RTN4IP1: variants seen among roughly 807,000 people sequenced by gnomAD.
The protein encoded by RTN4IP1 is reticulon 4 interacting protein 1.
A neutral mutation model predicts 46.6 loss-of-function variants in RTN4IP1; 32 were observed. That is an observed-to-expected ratio of 0.69 (90% CI 0.52 to 0.92). The LOEUF is 0.92. Ranked by LOEUF, RTN4IP1 falls within the 40% of genes least tolerant of loss-of-function variation. The pLI, the probability that RTN4IP1 is intolerant of heterozygous loss-of-function variation, is 0.00. For missense variants in RTN4IP1, 424 were observed against 485.8 expected (o/e 0.87, Z 1.20); for synonymous variants, 167 against 161.8 (o/e 1.03, Z -0.24).
At chr6:106,624,798 T>C (rs1776593067) in intron 1 of RTN4IP1, among the ~76,000 whole-genome samples, 1 of 151,080 alleles carries the variant, frequency 6.6e-6, no homozygotes, top group Admixed American at 6.6e-5. Context: ...TAGCCAGGCA[T>C]AGTGGTACAT....
chr6:106,585,254 G>A (rs1775457047), intron 7 of RTN4IP1, among the ~76,000 whole-genome samples: 1 of 152,220 alleles, frequency 6.6e-6, no homozygotes, highest in Non-Finnish European at 1.5e-5. Context: ...TGGGAGGATT[G>A]CTTGAGGCTA....
chr6:106,596,252 G>A (rs1338857655), intron 5 of RTN4IP1, among the ~76,000 whole-genome samples: 3 of 152,126 alleles, frequency 2.0e-5, no homozygotes, highest in Admixed American at 2.0e-4. Context: ...TTCAAGTGAT[G>A]GCTTTACATA....
intron 7 of RTN4IP1, among the ~76,000 whole-genome samples, chr6:106,586,185 T>C (rs541861276): frequency 3.9e-5 from 6 of 152,228 alleles, no homozygotes; most frequent in South Asian, 2.1e-4. Flanking sequence ...CTAAGTTTCA[T>C]CCCCATAAAA....
chr6:106,626,865 G>A (rs1398491165), intron 1 of RTN4IP1, among the ~76,000 whole-genome samples: 3 of 152,162 alleles, frequency 2.0e-5, no homozygotes, highest in African/African-American at 7.2e-5. Flanking sequence ...AAACTTTGTT[G>A]GTATGATGCT....
At chr6:106,608,631 T>C (rs1325089582) in intron 4 of RTN4IP1, among the ~76,000 whole-genome samples, 2 of 152,148 alleles carry the variant, frequency 1.3e-5, no homozygotes, top group African/African-American at 2.4e-5. Flanking sequence ...TCAACTAACA[T>C]TAAAAGGAAA....
At chr6:106,621,746 A>G (rs1456025570) in intron 2 of RTN4IP1, among the ~76,000 whole-genome samples, 17 of 152,160 alleles carry the variant, frequency 1.1e-4, no homozygotes, top group Admixed American at 3.9e-4. Flanking sequence ...GAGTCCCAAT[A>G]AGACCACAAT....
At chr6:106,615,341 A>G (rs1394962660) in intron 4 of RTN4IP1, among the ~76,000 whole-genome samples, 1 of 152,160 alleles carries the variant, frequency 6.6e-6, no homozygotes, top group Non-Finnish European at 1.5e-5. Flanking sequence ...ATAATTCTAT[A>G]TCAGAATTAA....
chr6:106,577,679 G>A (rs1391682438), intron 8 of RTN4IP1, among the ~76,000 whole-genome samples: 2 of 152,122 alleles, frequency 1.3e-5, no homozygotes, highest in Non-Finnish European at 2.9e-5. Context: ...GTGTGATTAA[G>A]TTAAGGATCC....
intron 7 of RTN4IP1, 112 bp from the exon 8 acceptor site, chr6:106,583,532 T>C: frequency 1.3e-6 from 1 of 797,510 alleles, no homozygotes; most frequent in Non-Finnish European, 2.1e-6. Flanking sequence ...ATTTCTCATT[T>C]CATGCTGACA....
upstream of RTN4IP1, chr6:106,629,824 C>A: frequency 8.1e-7 from 1 of 1,234,222 alleles, no homozygotes; most frequent in Non-Finnish European, 1.2e-6. Context: ...TCCTCTAGAA[C>A]TGAGTGGGGG....
chr6:106,621,974 C>T (rs952801991), intron 2 of RTN4IP1, among the ~76,000 whole-genome samples: 26 of 152,206 alleles, frequency 1.7e-4, no homozygotes, highest in African/African-American at 6.0e-4. Flanking sequence ...TTATACCAAA[C>T]TTAAGCTATT....
At chr6:106,623,014 A>G (rs1437042596) in intron 1 of RTN4IP1, 45 bp from the exon 2 acceptor site, 1 of 1,594,080 alleles carries the variant, frequency 6.3e-7, no homozygotes, top group African/African-American at 1.3e-5. Flanking sequence ...TAAGTATGAA[A>G]TGCTTTTAAA....
intron 8 of RTN4IP1, among the ~76,000 whole-genome samples, chr6:106,575,501 G>A (rs1437570931): frequency 6.6e-6 from 1 of 151,086 alleles, no homozygotes; most frequent in Non-Finnish European, 1.5e-5. Flanking sequence ...CGCTAGGCAA[G>A]TCCTCCTTCC....
chr6:106,575,512 T>C (rs6907164), intron 8 of RTN4IP1, among the ~76,000 whole-genome samples: 21,529 of 152,204 alleles, frequency 0.14, 1,749 homozygotes, highest in African/African-American at 0.21. Context: ...TCCTCCTTCC[T>C]GCTGAGGCAA....
intron 3 of RTN4IP1, 137 bp downstream of exon 3, chr6:106,621,288 A>T: frequency 1.6e-6 from 1 of 634,900 alleles, no homozygotes; most frequent in South Asian, 2.0e-5. Flanking sequence ...TCTCTCAAAA[A>T]TTCCTATATT....
chr6:106,628,893 C>A lies in RTN4IP1; in HGVS notation c.129G>T (p.Met43Ile). 1 of 1,614,126 alleles carries A rather than the reference C, an allele frequency of 6.2e-7. No individual in the cohort carries two copies. Among genetic ancestry groups the A allele is most frequent in the Middle Eastern group, 1.7e-4 (1 of 6,050 alleles). Residue 43 changes from methionine (M) to isoleucine (I), a missense_variant, in exon 1 of 9, where the codon ATG becomes ATT. Met to Ile is a conservative substitution (Grantham distance 10). Coordinates refer to ENST00000369063, the MANE Select transcript of RTN4IP1 (RefSeq NM_032730.5). ...ISTTSPRSTV[M>I]PAWVIDKYGK... ...CATATTTATCTATCACCCAAGCAGG[C>A]ATGACAGTGCTCCTAGGAGAGGTAG... is the stretch of plus-strand genomic sequence containing the variant.
Position 106,629,087 on chromosome 6 carries a change from C to G in RTN4IP1, c.-66G>C. The G allele has an allele frequency of 6.8e-7, 1 of 1,468,554 alleles. No individual in the cohort carries two copies. Among genetic ancestry groups the G allele is most frequent in the African/African-American group, 1.4e-5 (1 of 71,366 alleles). The allele number at this position is 1,468,554 out of a possible 1,614,324, so 91.0% of individuals were successfully genotyped here. ...CTTGGACTGGATCAAACTCTCACCC[C>G]TGAATTCAGTCAAATTCTGCCAAAC... On this transcript the variant is annotated 5_prime_UTR_variant, in exon 1 of 9. Transcript: ENST00000369063.
intron 4 of RTN4IP1, among the ~76,000 whole-genome samples, chr6:106,608,623 A>G (rs1776145095): frequency 6.6e-6 from 1 of 152,218 alleles, no homozygotes; most frequent in Non-Finnish European, 1.5e-5. Flanking sequence ...ATTACATATC[A>G]ACTAACATTA....
intron 8 of RTN4IP1, among the ~76,000 whole-genome samples, chr6:106,575,336 T>C (rs922080317): frequency 6.6e-6 from 1 of 152,122 alleles, no homozygotes; most frequent in African/African-American, 2.4e-5. Flanking sequence ...ATGTGTGGGG[T>C]GCTGATTGTG....
Sources: allele counts gnomAD v4.1 joint callset (sites outside exome capture counted in the v4.1 genomes callset), GRCh38; gene constraint gnomAD v4.1.1; transcripts MANE v1.5; gene names NCBI Gene and HGNC (gene_info 2026-07-23, HGNC 2026-07-21).